The following BMP8B variants were observed in gnomAD, a reference collection of about 807,000 sequenced individuals.
BMP8B encodes bone morphogenetic protein 8b.
BMP8B carries 17 observed loss-of-function variants against 30.3 expected under a neutral mutation model. The ratio of observed to expected loss-of-function variants is 0.56; its 90% CI spans 0.38 to 0.84. The LOEUF is 0.84. BMP8B is among the 40% of genes least tolerant of loss of function. The pLI is 0.00. For missense variants in BMP8B, 253 were observed against 494.6 expected (o/e 0.51, Z 4.63); for synonymous variants, 131 against 214.7 (o/e 0.61, Z 3.41).
At chr1:39,779,437 TCAGGTTGTTCA>T (rs1350462594) in intron 1 of BMP8B, among the ~76,000 whole-genome samples, 1 of 152,160 alleles carries the variant, frequency 6.6e-6, no homozygotes, top group Non-Finnish European at 1.5e-5. Context: ...GTCCCTATTC[TCAGGTTGTTCA>T]GAGGTTGCTG....
At chr1:39,787,113 G>A (rs1306664125) in intron 1 of BMP8B, among the ~76,000 whole-genome samples, 1 of 152,226 alleles carries the variant, frequency 6.6e-6, no homozygotes, top group Non-Finnish European at 1.5e-5. Context: ...TAGGCATGGC[G>A]CTGCCTCTCT....
intron 3 of BMP8B, chr1:39,771,336 C>A: frequency 1.7e-6 from 2 of 1,202,632 alleles, no homozygotes; most frequent in Non-Finnish European, 2.2e-6. Context: ...GCAGGGCGGG[C>A]GCCCGCGCCC....
intron 1 of BMP8B, among the ~76,000 whole-genome samples, chr1:39,781,206 G>T (rs550606888): frequency 1.3e-5 from 2 of 152,264 alleles, no homozygotes; most frequent in South Asian, 2.1e-4. Context: ...TGCTCTTAAA[G>T]CCCTGAATGA....
chr1:39,775,286 G>A (rs905490102), intron 1 of BMP8B, among the ~76,000 whole-genome samples: 1 of 152,188 alleles, frequency 6.6e-6, no homozygotes, highest in Non-Finnish European at 1.5e-5. Flanking sequence ...TGCTCAGCAG[G>A]CCCCAGGCTC....
intron 3 of BMP8B, chr1:39,771,397 T>C (rs564802): frequency 0.2 from 158,775 of 809,226 alleles, 27,146 homozygotes; most frequent in African/African-American, 0.43. Flanking sequence ...GGCTCTAGGC[T>C]AGGCCCGCGA....
Position 39,775,038 on chromosome 1 carries a change from A to G in BMP8B, c.335T>C (p.Val112Ala). Residue 112 changes from valine to alanine, a missense_variant and splice_region_variant, in exon 2 of 7, where the codon GTG becomes GCG. Val to Ala is a moderately conservative substitution (Grantham distance 64, BLOSUM62 0). Around this residue, in one of 7 missense-constraint regions of BMP8B, gnomAD observed 52 missense variants for 68.3 expected, o/e 0.76. Coordinates refer to ENST00000372827, the MANE Select transcript of BMP8B (RefSeq NM_001720.5). ...ADLVMSFVNM[V>A]ERDRALGHQE... ...GTGGCCCAGGGCACGGTCTCGCTCC[A>G]CTAGAAGACAAAGCAGCGCTGGGCT... 1 of 1,259,918 alleles carries G rather than the reference A, an allele frequency of 7.9e-7. No individual in the cohort carries two copies. The highest frequency in any genetic ancestry group is 2.5e-5 in the East Asian group (1 of 39,816). The allele number at this position is 1,259,918 out of a possible 1,614,324, so 78.0% of individuals were successfully genotyped here.
At chr1:39,764,035 A>G (rs1396434392) in intron 4 of BMP8B, 17 of 510,742 alleles carry the variant, frequency 3.3e-5, no homozygotes, top group Non-Finnish European at 5.3e-5. Flanking sequence ...CCTTCAGCCT[A>G]TGAGCATCTT....
intron 1 of BMP8B, among the ~76,000 whole-genome samples, chr1:39,775,490 A>T (rs1056842856): frequency 1.3e-5 from 2 of 152,212 alleles, no homozygotes; most frequent in Non-Finnish European, 2.9e-5. Context: ...AACTGACGGC[A>T]TCTCAGGGGA....
Position 39,771,153 on chromosome 1 carries a change from T to C in BMP8B, c.673+3155A>G, listed in dbSNP as rs1649949041. 7 of 1,555,564 alleles carry C rather than the reference T, an allele frequency of 4.5e-6. 1 individual carries two copies. The highest frequency in any genetic ancestry group is 6.1e-6 in the Non-Finnish European group (7 of 1,139,648). ...TAGAACTTGGCACGGAGCCGGGGAC[T>C]GGTGGCAAAGCAGCGGGCGCAGCCC... On this transcript the variant is annotated intron_variant, in intron 3 of 6. Coordinates refer to ENST00000372827, the MANE Select transcript of BMP8B (RefSeq NM_001720.5).
At chr1:39,777,099 G>A (rs953319812) in intron 1 of BMP8B, among the ~76,000 whole-genome samples, 1 of 152,210 alleles carries the variant, frequency 6.6e-6, no homozygotes, top group East Asian at 1.9e-4. Context: ...TAGGAATGCT[G>A]TGTAGAGGAG....
At chr1:39,778,895 G>A (rs1258476855) in intron 1 of BMP8B, among the ~76,000 whole-genome samples, 5 of 151,926 alleles carry the variant, frequency 3.3e-5, no homozygotes, top group Admixed American at 2.6e-4. Flanking sequence ...GCCTCAGCCC[G>A]GAAGAGCCCC....
At chr1:39,762,989 C>T (rs968494635) in intron 6 of BMP8B, 103 bp downstream of exon 6, 14 of 1,390,180 alleles carry the variant, frequency 1.0e-5, no homozygotes, top group East Asian at 2.3e-5. Context: ...CCCCCTGAGA[C>T]GCGGAGCAGG....
At chr1:39,777,962 T>A (rs1650346458) in intron 1 of BMP8B, among the ~76,000 whole-genome samples, 1 of 152,226 alleles carries the variant, frequency 6.6e-6, no homozygotes, top group Non-Finnish European at 1.5e-5. Context: ...GGTCAGGCTT[T>A]CAGCCTCTCC....
chr1:39,760,456 T>C lies in BMP8B; in HGVS notation c.1172A>G (p.His391Arg), dbSNP rs777113057. Residue 391 changes from histidine (H) to arginine (R), a missense_variant, in exon 7 of 7, where the codon CAC becomes CGC. By Grantham distance (29) the His-to-Arg change is conservative. This residue lies in a region of BMP8B where 116 missense variants were observed against 142.3 expected (regional missense o/e 0.81). Coordinates refer to ENST00000372827, the MANE Select transcript of BMP8B (RefSeq NM_001720.5). ...GCAGGCCTTGACCACCATGTTGCGG[T>C]GCTTGCGCAGGATGACATTGTTGCT... ...DSSNNVILRK[H>R]RNMVVKACGC... is the part of the protein sequence containing the mutation. 1.2e-6 allele frequency: 2 copies of C among 1,614,140 alleles called. No homozygotes were observed. Among genetic ancestry groups the C allele is most frequent in the South Asian group, 2.2e-5 (2 of 91,082 alleles).
chr1:39,762,485 A>T, intron 6 of BMP8B: 2 of 1,540,990 alleles, frequency 1.3e-6, no homozygotes, highest in Non-Finnish European at 1.7e-6. Flanking sequence ...AGCACCAGTG[A>T]TCCCATCAGA....
intron 3 of BMP8B, chr1:39,771,125 G>C (rs770622952): frequency 1.3e-6 from 2 of 1,555,936 alleles, no homozygotes; most frequent in African/African-American, 1.4e-5. Flanking sequence ...CACCGGGTCC[G>C]CGTAGAACTT....
intron 1 of BMP8B, among the ~76,000 whole-genome samples, chr1:39,784,291 G>A (rs1437873298): frequency 2.0e-5 from 3 of 151,810 alleles, no homozygotes; most frequent in Non-Finnish European, 4.4e-5. Context: ...GGAGGAAACT[G>A]AGGCTTGGGG....
intron 5 of BMP8B, 65 bp from the exon 6 acceptor site, chr1:39,763,267 C>T: frequency 6.8e-7 from 1 of 1,466,100 alleles, no homozygotes. Flanking sequence ...GGGCCCAAAC[C>T]CATCCTCCAG....
chr1:39,776,686 G>A (rs1214742695), intron 1 of BMP8B, among the ~76,000 whole-genome samples: 1 of 152,220 alleles, frequency 6.6e-6, no homozygotes, highest in Non-Finnish European at 1.5e-5. Context: ...ACCCAAGGGT[G>A]TCTTTTGAAG....
Sources: allele counts gnomAD v4.1 joint callset (sites outside exome capture counted in the v4.1 genomes callset), GRCh38; gene constraint gnomAD v4.1.1; regional missense constraint gnomAD v4.1.1; transcripts MANE v1.5; gene names NCBI Gene and HGNC (gene_info 2026-07-23, HGNC 2026-07-21).